Variants in ZFAND6 observed in about 807,000 individuals in gnomAD.
The protein encoded by ZFAND6 is AN1-type zinc finger protein 6.
In ZFAND6, 12 loss-of-function variants were observed where a neutral mutation model predicts 24.5. That is an observed-to-expected ratio of 0.49 (90% CI 0.31 to 0.79). ZFAND6 has a LOEUF of 0.79. ZFAND6 is among the 30% of genes least tolerant of loss of function. ZFAND6 has a pLI of 0.04. For synonymous variants in ZFAND6, 92 were observed against 81.5 expected (o/e 1.13, Z -0.69); for missense variants, 207 against 245.9 (o/e 0.84, Z 1.06).
chr15:80,101,872 A>G (rs561457516), intron 2 of ZFAND6, among the ~76,000 whole-genome samples: 2 of 143,142 alleles, frequency 1.4e-5, no homozygotes, highest in African/African-American at 5.3e-5. Flanking sequence ...GGCTCACTGC[A>G]AGCTCTGCCT....
chr15:80,075,786 G>GTT (rs1306346444), intron 1 of ZFAND6, among the ~76,000 whole-genome samples: 5 of 152,060 alleles, frequency 3.3e-5, no homozygotes, highest in Non-Finnish European at 5.9e-5. Context: ...GGTTTTCTGT[G>GTT]TTTGTATGCC....
intron 2 of ZFAND6, among the ~76,000 whole-genome samples, chr15:80,108,557 G>C (rs865981033): frequency 2.6e-5 from 4 of 152,132 alleles, no homozygotes; most frequent in African/African-American, 9.7e-5. Context: ...TAAGGTATGT[G>C]ATATGAAACC....
At chr15:80,095,449 A>G (rs1235406227) in intron 1 of ZFAND6, among the ~76,000 whole-genome samples, 5 of 152,208 alleles carry the variant, frequency 3.3e-5, no homozygotes, top group African/African-American at 9.7e-5. Context: ...CTCCTTCTGT[A>G]ATACATAATT....
intron 1 of ZFAND6, among the ~76,000 whole-genome samples, chr15:80,096,795 T>G (rs1293601053): frequency 6.6e-6 from 1 of 152,146 alleles, no homozygotes; most frequent in African/African-American, 2.4e-5. Context: ...TATAGCCCAG[T>G]GTACATATAG....
intron 2 of ZFAND6, among the ~76,000 whole-genome samples, chr15:80,114,033 C>T (rs144986747): frequency 1.2e-4 from 18 of 152,006 alleles, no homozygotes; most frequent in Admixed American, 4.6e-4. Flanking sequence ...CTAAAAAAGG[C>T]GCAATATGAG....
chr15:80,072,269 T>G (rs928795023), intron 1 of ZFAND6, among the ~76,000 whole-genome samples: 1 of 152,146 alleles, frequency 6.6e-6, no homozygotes, highest in African/African-American at 2.4e-5. Context: ...CATTGTATTT[T>G]AAACAATTGG....
At chr15:80,107,264 C>T (rs138695392) in intron 2 of ZFAND6, among the ~76,000 whole-genome samples, 16 of 152,230 alleles carry the variant, frequency 1.1e-4, no homozygotes, top group Middle Eastern at 3.4e-3. Flanking sequence ...CAGGAATACT[C>T]AGCAAGTGAA....
intron 1 of ZFAND6, among the ~76,000 whole-genome samples, chr15:80,091,641 A>G (rs2038380288): frequency 1.6e-5 from 1 of 62,774 alleles, no homozygotes; most frequent in Non-Finnish European, 3.6e-5. Flanking sequence ...ACTATTAAAA[A>G]AAAAACTTTT....
chr15:80,086,830 C>G (rs753487499), intron 1 of ZFAND6, among the ~76,000 whole-genome samples: 2 of 152,226 alleles, frequency 1.3e-5, no homozygotes, highest in African/African-American at 2.4e-5. Flanking sequence ...AATCACGTCT[C>G]CCCCAGTCAG....
chr15:80,089,217 G>A (rs2038186796), intron 1 of ZFAND6, among the ~76,000 whole-genome samples: 1 of 144,562 alleles, frequency 6.9e-6, no homozygotes, highest in African/African-American at 2.6e-5. Context: ...GAGATCCTTT[G>A]TGAGTAGGGG....
At chr15:80,067,489 A>G (rs2036713526) in intron 1 of ZFAND6, among the ~76,000 whole-genome samples, 1 of 151,554 alleles carries the variant, frequency 6.6e-6, no homozygotes, top group South Asian at 2.1e-4. Flanking sequence ...ATTTGTAACA[A>G]CTCCAGTTCA....
intron 6 of ZFAND6, among the ~76,000 whole-genome samples, chr15:80,137,175 T>C (rs1252083436): frequency 1.3e-5 from 2 of 152,238 alleles, no homozygotes; most frequent in African/African-American, 4.8e-5. Context: ...GTGTTTGGAT[T>C]TGAAAAATGT....
Position 80,123,989 on chromosome 15 carries a change from G to A in ZFAND6, c.364+1189G>A, listed in dbSNP as rs149657324. Among the ~76,000 whole-genome samples, 387 of 152,130 alleles carry A rather than the reference G, an allele frequency of 2.5e-3. 3 individuals are homozygous for A. Among genetic ancestry groups the A allele is most frequent in the Non-Finnish European group, 4.1e-3 (279 of 67,990 alleles). ...TTTGCTTGTTTGTGTAGATTTTGCC[G>A]TAACAAAAGAATATTCTGTGTGGTC... On this transcript the variant is annotated intron_variant, in intron 5 of 6. Coordinates refer to ENST00000261749, the MANE Select transcript of ZFAND6 (RefSeq NM_019006.4).
intron 5 of ZFAND6, among the ~76,000 whole-genome samples, chr15:80,129,229 T>G (rs1338629264): frequency 1.3e-5 from 2 of 152,210 alleles, no homozygotes; most frequent in Admixed American, 1.3e-4. Flanking sequence ...AATAAAAGGT[T>G]TGATGTGTCT....
intron 2 of ZFAND6, among the ~76,000 whole-genome samples, chr15:80,101,065 A>G (rs1467178523): frequency 1.3e-5 from 2 of 152,232 alleles, no homozygotes; most frequent in Non-Finnish European, 2.9e-5. Flanking sequence ...AAATGCTCAA[A>G]ATAATAGATT....
chr15:80,068,886 AT>A (rs1320289971), intron 1 of ZFAND6, among the ~76,000 whole-genome samples: 2 of 152,222 alleles, frequency 1.3e-5, no homozygotes, highest in African/African-American at 4.8e-5. Context: ...TATCCATTTT[AT>A]TTACTGTGGT....
intron 1 of ZFAND6, among the ~76,000 whole-genome samples, chr15:80,069,355 A>G (rs2036842279): frequency 6.6e-6 from 1 of 152,160 alleles, no homozygotes; most frequent in South Asian, 2.1e-4. Context: ...GACCTTGTTT[A>G]TCCCTTGAGA....
At chr15:80,121,677 T>G in intron 3 of ZFAND6, 35 bp from the exon 4 acceptor site, 1 of 1,569,334 alleles carries the variant, frequency 6.4e-7, no homozygotes, top group Non-Finnish European at 8.8e-7. Context: ...GCTGAGCATA[T>G]AGAATCACTA....
At chr15:80,067,920 G>T (rs2036741553) in intron 1 of ZFAND6, among the ~76,000 whole-genome samples, 1 of 152,008 alleles carries the variant, frequency 6.6e-6, no homozygotes, top group South Asian at 2.1e-4. Flanking sequence ...TACATGTATT[G>T]TGTTAAAATA....
Sources: gnomAD v4.1 joint callset for allele counts (sites outside exome capture counted in the v4.1 genomes callset) on GRCh38, gnomAD v4.1.1 for gene constraint, MANE v1.5 for transcripts, NCBI Gene and HGNC (gene_info 2026-07-23, HGNC 2026-07-21) for gene names.